The following INSL6 variants were observed in gnomAD, a reference collection of about 807,000 sequenced individuals.
INSL6 encodes insulin like 6.
A neutral mutation model predicts 9.4 loss-of-function variants in INSL6; 16 were observed. The ratio of observed to expected loss-of-function variants is 1.70; its 90% CI spans 1.15 to 2.59. The LOEUF is 2.59. Among genes scored for constraint, INSL6 ranks in the 30% most tolerant of loss-of-function variants. The probability of loss-of-function intolerance (pLI) is 0.00; values close to 1 mark genes in which losing one functional copy is unlikely to be tolerated. For missense variants in INSL6, 391 were observed against 257.3 expected (o/e 1.52, Z -3.56); for synonymous variants, 154 against 96.9 (o/e 1.59, Z -3.46).
the INSL6 span, chr9:5,073,611 G>A: frequency 1.0e-6 from 1 of 958,816 alleles, no homozygotes; most frequent in Non-Finnish European, 1.6e-6. Flanking sequence ...AGGAGAAAGT[G>A]CATCTTTATT....
chr9:5,054,910 TC>T, the INSL6 span: 1 of 1,470,816 alleles, frequency 6.8e-7, no homozygotes, highest in African/African-American at 1.4e-5. This position sits in a 1 kb window ranked among gnomAD's most constrained non-coding sequence, Gnocchi z 4.9. Context: ...ATGTTCTTGT[TC>T]TTTGTTATTT....
chr9:5,082,656 G>C, the INSL6 span, among the ~76,000 whole-genome samples: 1 of 152,224 alleles, frequency 6.6e-6, no homozygotes, highest in African/African-American at 2.4e-5. Flanking sequence ...ATCACATGGG[G>C]AGAAACCTTG....
At chr9:5,123,571 T>C (rs1212462151), downstream of INSL6, among the ~76,000 whole-genome samples, 1 of 152,052 alleles carries the variant, frequency 6.6e-6, no homozygotes, top group Non-Finnish European at 1.5e-5. Flanking sequence ...CTTAGGTTGA[T>C]TCCATGTCTT....
chr9:5,041,045 C>T, the INSL6 span: 1 of 682,342 alleles, frequency 1.5e-6, no homozygotes, highest in Non-Finnish European at 2.7e-6. Context: ...ACAAGCAGCT[C>T]AGCGCCATAG....
At chr9:5,159,742 G>C (rs1425237407), downstream of INSL6, among the ~76,000 whole-genome samples, 3 of 152,192 alleles carry the variant, frequency 2.0e-5, no homozygotes, top group African/African-American at 7.2e-5. Flanking sequence ...AGATCATCCA[G>C]ACAGAAAATC....
chr9:5,068,219 C>T, the INSL6 span, among the ~76,000 whole-genome samples: 1 of 150,956 alleles, frequency 6.6e-6, no homozygotes, highest in Non-Finnish European at 1.5e-5. Context: ...TAGGAAGAAC[C>T]TGATTGACCT....
Position 5,125,125 on chromosome 9 carries a change from C to G in INSL6, c.*11-614G>C, listed in dbSNP as rs145370288. The stretch of plus-strand genomic sequence containing the variant: ...AAAAGTATGAAAAAATAAAAATCAT[C>G]TCTAATGCAATTACTCAGAGAAGAC... On this transcript the variant is annotated intron_variant, in intron 3 of 3. Transcript: ENST00000649639. Among the ~76,000 whole-genome samples the G allele has an allele frequency of 3.3e-5, 5 of 151,222 alleles. No individual in the cohort carries two copies. The East Asian group carries it at 9.7e-4, about 29-fold the overall frequency.
the INSL6 span, among the ~76,000 whole-genome samples, chr9:5,004,781 A>T: frequency 2.8e-3 from 431 of 152,208 alleles, no homozygotes; most frequent in African/African-American, 0.01. Flanking sequence ...CCACACACTC[A>T]CCAATGCTTG....
intron 2 of INSL6, among the ~76,000 whole-genome samples, chr9:5,144,651 G>T (rs1476837588): frequency 6.6e-6 from 1 of 152,122 alleles, no homozygotes; most frequent in Non-Finnish European, 1.5e-5. Context: ...CTTTATGAGG[G>T]TGTTCCTGTG....
At chr9:5,139,074 GAACA>G (rs1824439540) in intron 2 of INSL6, among the ~76,000 whole-genome samples, 1 of 152,050 alleles carries the variant, frequency 6.6e-6, no homozygotes, top group South Asian at 2.1e-4. Context: ...TCCTCAAACA[GAACA>G]TTTTTGAGAA....
chr9:5,037,616 C>A, the INSL6 span, among the ~76,000 whole-genome samples: 1 of 152,086 alleles, frequency 6.6e-6, no homozygotes, highest in Non-Finnish European at 1.5e-5. Flanking sequence ...GACAAAAAAC[C>A]AAACACTGCA....
chr9:5,066,656 A>C, the INSL6 span: 12 of 1,318,962 alleles, frequency 9.1e-6, no homozygotes, highest in Admixed American at 1.7e-5. Context: ...TATTATTCAA[A>C]TTGCTTCTTC....
At chr9:4,996,928 C>CTTTTTTTTTTTTT in the INSL6 span, among the ~76,000 whole-genome samples, 6 of 94,710 alleles carry the variant, frequency 6.3e-5, no homozygotes, top group East Asian at 3.3e-4. Flanking sequence ...TTAGTTTGTT[C>CTTTTTTTTTTTTT]TTTTTTTTTT....
intron 2 of INSL6, among the ~76,000 whole-genome samples, chr9:5,152,471 C>T (rs1372473577): frequency 6.6e-6 from 1 of 151,646 alleles, no homozygotes; most frequent in Non-Finnish European, 1.5e-5. Context: ...CAAGAAAAAT[C>T]ACAAGAAAAA....
the INSL6 span, chr9:5,044,427 C>T: frequency 1.2e-6 from 2 of 1,611,488 alleles, no homozygotes; most frequent in Non-Finnish European, 1.7e-6. Flanking sequence ...GTTGGTATTG[C>T]AGTGGCAGCA....
the INSL6 span, among the ~76,000 whole-genome samples, chr9:5,070,748 C>T: frequency 1.3e-5 from 2 of 151,954 alleles, no homozygotes; most frequent in African/African-American, 4.8e-5. Flanking sequence ...TGGACCTGTG[C>T]AGTCCAAACC....
intron 2 of INSL6, among the ~76,000 whole-genome samples, chr9:5,145,673 C>G (rs1409433094): frequency 6.6e-6 from 1 of 152,066 alleles, no homozygotes; most frequent in Non-Finnish European, 1.5e-5. Flanking sequence ...TCTTTTTTCT[C>G]TATTCTTGTC....
At chr9:5,106,652 A>G in the INSL6 span, among the ~76,000 whole-genome samples, 1 of 152,234 alleles carries the variant, frequency 6.6e-6, no homozygotes, top group African/African-American at 2.4e-5. Context: ...AACCAACCCA[A>G]ATGCCCATCA....
chr9:5,018,475 T>C, the INSL6 span, among the ~76,000 whole-genome samples: 1 of 152,158 alleles, frequency 6.6e-6, no homozygotes, highest in East Asian at 1.9e-4. Flanking sequence ...TAGCTGGGAC[T>C]ACAGAAACCT....
Sources: gnomAD v4.1 joint callset for allele counts (sites outside exome capture counted in the v4.1 genomes callset) on GRCh38, gnomAD v4.1.1 for gene constraint, Gnocchi (gnomAD v3.1) non-coding constraint, MANE v1.5 for transcripts, NCBI Gene and HGNC (gene_info 2026-07-23, HGNC 2026-07-21) for gene names.